SLC9A9: variants seen among roughly 807,000 people sequenced by gnomAD.
SLC9A9 encodes solute carrier family 9 member A9, also known as sodium/hydrogen exchanger 9.
Under a neutral mutation model 77.8 loss-of-function variants are expected in SLC9A9, and 62 were observed. The observed-to-expected ratio is 0.80, with a 90% confidence interval of 0.65 to 0.98. The LOEUF is 0.98. SLC9A9 is among the 50% of genes least tolerant of loss of function. SLC9A9 has a pLI of 0.00. For synonymous variants in SLC9A9, 320 were observed against 283.5 expected (o/e 1.13, Z -1.29); for missense variants, 775 against 774.9 (o/e 1.00, Z 0.00).
At chr3:143,727,503 C>A (rs1053070629) in intron 4 of SLC9A9, among the ~76,000 whole-genome samples, 2 of 151,990 alleles carry the variant, frequency 1.3e-5, no homozygotes, top group Non-Finnish European at 2.9e-5. Context: ...CTATGAGAAC[C>A]AAAATTTCTC....
At chr3:143,628,764 C>T (rs1195632519) in intron 6 of SLC9A9, among the ~76,000 whole-genome samples, 1 of 152,082 alleles carries the variant, frequency 6.6e-6, no homozygotes, top group Non-Finnish European at 1.5e-5. Flanking sequence ...GAGTTCATAA[C>T]ATAAAATTAG....
chr3:143,544,387 C>T (rs1307481577), intron 9 of SLC9A9, among the ~76,000 whole-genome samples: 1 of 151,984 alleles, frequency 6.6e-6, no homozygotes, highest in African/African-American at 2.4e-5. Context: ...CCACCACGCT[C>T]GGCTAATTTT....
intron 14 of SLC9A9, among the ~76,000 whole-genome samples, chr3:143,304,571 G>A (rs1471212587): frequency 4.6e-5 from 7 of 152,322 alleles, no homozygotes; most frequent in African/African-American, 1.7e-4. Context: ...TTGGTTTCGA[G>A]TTGACAGACT....
Position 143,432,980 on chromosome 3 carries a change from A to G in SLC9A9, c.1469+34057T>C, listed in dbSNP as rs572132836. Among the ~76,000 whole-genome samples the G allele has an allele frequency of 1.2e-3, 180 of 152,330 alleles. 1 individual carries two copies. The highest frequency in any genetic ancestry group is 4.3e-3 in the African/African-American group (177 of 41,568). On this transcript the variant is annotated intron_variant, in intron 12 of 15. Coordinates refer to ENST00000316549, the MANE Select transcript of SLC9A9 (RefSeq NM_173653.4). Reference sequence around the variant, plus strand: ...CATTTCTTACCTTTGGACTCAAAACATGCTCTGATTAGACCAGCAGCACCA... The same window carrying G: ...CATTTCTTACCTTTGGACTCAAAACGTGCTCTGATTAGACCAGCAGCACCA...
chr3:143,506,712 T>C (rs1559944710), intron 9 of SLC9A9, among the ~76,000 whole-genome samples: 2 of 152,128 alleles, frequency 1.3e-5, no homozygotes, highest in African/African-American at 4.8e-5. Flanking sequence ...CTTATTTGAA[T>C]GTAATGCTGG....
intron 9 of SLC9A9, among the ~76,000 whole-genome samples, chr3:143,551,655 A>T (rs575269384): frequency 1.2e-4 from 19 of 152,364 alleles, no homozygotes; most frequent in African/African-American, 4.6e-4. Flanking sequence ...GTGATGTCCT[A>T]CTAAAGCTCC....
chr3:143,592,023 C>A (rs1475324985), intron 6 of SLC9A9, among the ~76,000 whole-genome samples: 1 of 152,172 alleles, frequency 6.6e-6, no homozygotes, highest in African/African-American at 2.4e-5. Flanking sequence ...TGCATACATG[C>A]AATTTTCTGG....
At chr3:143,848,078 A>G (rs1442340131) in intron 1 of SLC9A9, 70 bp downstream of exon 1, 1 of 1,407,696 alleles carries the variant, frequency 7.1e-7, no homozygotes, top group Admixed American at 1.7e-5. Context: ...GTACTTTGCT[A>G]TCTGAGCACA....
intron 4 of SLC9A9, among the ~76,000 whole-genome samples, chr3:143,736,545 A>C (rs1934945193): frequency 1.3e-5 from 2 of 152,216 alleles, no homozygotes; most frequent in African/African-American, 4.8e-5. Context: ...CACACTCAAT[A>C]GAGGGCTCTG....
In SLC9A9 at chr3:143,626,443, A is replaced by T. The variant is rs1448937105; in HGVS notation, c.755+25812T>A. On this transcript the variant is annotated intron_variant, in intron 6 of 15. Transcript: ENST00000316549. Reference sequence around the variant, plus strand: ...ATGGAATATTATGCAGCCATAAAAAATGATGAGTTCATATCCTTTGTAGGG... The same window carrying T: ...ATGGAATATTATGCAGCCATAAAAATTGATGAGTTCATATCCTTTGTAGGG... 3.3e-5 allele frequency among the ~76,000 whole-genome samples: 5 copies of T among 152,246 alleles called. No individual in the cohort carries two copies. In the East Asian group the frequency reaches 9.6e-4, roughly 29 times the overall value.
At chr3:143,792,621 G>T (rs1488968644) in intron 4 of SLC9A9, among the ~76,000 whole-genome samples, 1 of 151,936 alleles carries the variant, frequency 6.6e-6, no homozygotes, top group Non-Finnish European at 1.5e-5. Flanking sequence ...CTGTTTTGGG[G>T]GTCCAATACT....
At chr3:143,391,601 A>C (rs1313214582) in intron 12 of SLC9A9, among the ~76,000 whole-genome samples, 1 of 152,262 alleles carries the variant, frequency 6.6e-6, no homozygotes. Context: ...GCTGGATGGA[A>C]AATGACTTTG....
chr3:143,702,133 T>A (rs944892590), intron 4 of SLC9A9, among the ~76,000 whole-genome samples: 10 of 152,178 alleles, frequency 6.6e-5, no homozygotes, highest in Non-Finnish European at 1.5e-4. Flanking sequence ...AAAAATTTCA[T>A]CAACACCAGA....
chr3:143,733,546 G>A lies in SLC9A9; in HGVS notation c.534-40239C>T, dbSNP rs116668564. Among the ~76,000 whole-genome samples the A allele has an allele frequency of 3.3e-3, 501 of 152,202 alleles. 5 individuals carry two copies. The highest frequency in any genetic ancestry group is 0.011 in the African/African-American group (470 of 41,510). ...CCACCTCATTGAGGTCATAGGTGGG[G>A]CCTACCTTGGGAGAAGTAGAGTAGA... On this transcript the variant is annotated intron_variant, in intron 4 of 15. Coordinates refer to ENST00000316549, the MANE Select transcript of SLC9A9 (RefSeq NM_173653.4).
chr3:143,499,385 TG>T (rs2035890582), intron 9 of SLC9A9, among the ~76,000 whole-genome samples: 1 of 152,178 alleles, frequency 6.6e-6, no homozygotes. Flanking sequence ...AGATATTTGA[TG>T]TTTCTTGTTA....
At chr3:143,411,485 A>T (rs1388992410) in intron 12 of SLC9A9, among the ~76,000 whole-genome samples, 1 of 152,038 alleles carries the variant, frequency 6.6e-6, no homozygotes, top group African/African-American at 2.4e-5. Context: ...TCTACTTTTG[A>T]GGGCTAGTTC....
At chr3:143,531,534 C>A (rs979737408) in intron 9 of SLC9A9, among the ~76,000 whole-genome samples, 1 of 152,228 alleles carries the variant, frequency 6.6e-6, no homozygotes, top group Admixed American at 6.5e-5. Flanking sequence ...GTCTTAAAAA[C>A]CTTTAGGAAG....
intron 12 of SLC9A9, among the ~76,000 whole-genome samples, chr3:143,443,134 C>A (rs1236016118): frequency 2.0e-5 from 3 of 152,082 alleles, no homozygotes; most frequent in Non-Finnish European, 2.9e-5. Flanking sequence ...AAACAAGCCA[C>A]CCCTGTAGGG....
At chr3:143,588,728 C>T (rs2037597718) in intron 6 of SLC9A9, among the ~76,000 whole-genome samples, 1 of 152,122 alleles carries the variant, frequency 6.6e-6, no homozygotes, top group Admixed American at 6.5e-5. Context: ...TTGAGATAGT[C>T]CTAAAGATAA....
Sources: gnomAD v4.1 joint callset for allele counts (sites outside exome capture counted in the v4.1 genomes callset) on GRCh38, gnomAD v4.1.1 for gene constraint, MANE v1.5 for transcripts, NCBI Gene and HGNC (gene_info 2026-07-23, HGNC 2026-07-21) for gene names.